The following GLIS3 variants were observed in gnomAD, a reference collection of about 807,000 sequenced individuals.
GLIS3 encodes zinc finger protein GLIS3.
GLIS3 carries 53 observed loss-of-function variants against 78.6 expected under a neutral mutation model. The ratio of observed to expected loss-of-function variants is 0.67; its 90% CI spans 0.54 to 0.85. The LOEUF is 0.85. Among genes scored for constraint, GLIS3 ranks in the 40% least tolerant of loss-of-function variants. The pLI is 0.00. For synonymous variants in GLIS3, 684 were observed against 509.9 expected, an observed-to-expected ratio of 1.34 and a Z score of -4.60; for missense variants, 1,703 against 1,231.1, an observed-to-expected ratio of 1.38 and a Z score of -5.74.
chr9:4,450,427 G>A, the GLIS3 span, among the ~76,000 whole-genome samples: 1 of 152,162 alleles, frequency 6.6e-6, no homozygotes, highest in South Asian at 2.1e-4. Flanking sequence ...ACACTCTGCA[G>A]GATATTATCC....
At chr9:3,964,489 C>G (rs1204499414) in intron 4 of GLIS3, among the ~76,000 whole-genome samples, 1 of 152,168 alleles carries the variant, frequency 6.6e-6, no homozygotes, top group African/African-American at 2.4e-5. Flanking sequence ...TCCAGGAATT[C>G]AATCACACAC....
rs1263478826 is a variant in GLIS3 at position 3,911,686 on chromosome 9, T to C, written c.1984-12851A>G. On this transcript the variant is annotated intron_variant, in intron 6 of 10. Coordinates refer to ENST00000381971, the MANE Select transcript of GLIS3 (RefSeq NM_001042413.2). ...ATTAGACAACTGTGAGAAAGTTGTT[T>C]AACATTTCTTTACCTTAGTTTTCTT... 2.0e-5 allele frequency among the ~76,000 whole-genome samples: 3 copies of C among 152,250 alleles called. No individual in the cohort carries two copies. In the East Asian group the frequency reaches 5.8e-4, roughly 29 times the overall value.
chr9:4,402,128 C>G, the GLIS3 span, among the ~76,000 whole-genome samples: 1,855 of 152,244 alleles, frequency 0.012, 37 homozygotes, highest in African/African-American at 0.041. Flanking sequence ...GTCTGACCCA[C>G]CACAGTCCCA....
intron 2 of GLIS3, among the ~76,000 whole-genome samples, chr9:4,127,734 A>T (rs573529295): frequency 3.9e-4 from 60 of 152,304 alleles, no homozygotes; most frequent in African/African-American, 1.4e-3. Context: ...TCCCATTGCT[A>T]CTAGCCACTA....
chr9:4,200,056 T>C (rs2131259946), intron 2 of GLIS3, among the ~76,000 whole-genome samples: 1 of 152,256 alleles, frequency 6.6e-6, no homozygotes, highest in Middle Eastern at 3.4e-3. Context: ...AGAATGACCT[T>C]GGAGTAAACA....
intron 4 of GLIS3, among the ~76,000 whole-genome samples, chr9:3,971,362 GA>G (rs2130922790): frequency 6.6e-6 from 1 of 152,296 alleles, no homozygotes; most frequent in East Asian, 1.9e-4. Context: ...TTACTCGGTT[GA>G]GGGAAAAGTA....
At chr9:4,291,439 C>G (rs1266862385) in intron 1 of GLIS3, among the ~76,000 whole-genome samples, 1 of 152,058 alleles carries the variant, frequency 6.6e-6, no homozygotes, top group Non-Finnish European at 1.5e-5. Context: ...AATGTTTTAA[C>G]TTTTCATTTT....
intron 2 of GLIS3, among the ~76,000 whole-genome samples, chr9:4,162,573 T>C (rs1370004836): frequency 1.3e-5 from 2 of 152,136 alleles, no homozygotes; most frequent in East Asian, 1.9e-4. Context: ...ATAAGATCAA[T>C]CACTGGCCGG....
chr9:4,299,094 A>C (rs1816880025), intron 1 of GLIS3, among the ~76,000 whole-genome samples: 1 of 152,110 alleles, frequency 6.6e-6, no homozygotes. Flanking sequence ...CTTGAAATGA[A>C]AACACAAAAA....
the GLIS3 span, among the ~76,000 whole-genome samples, chr9:4,479,492 G>T: frequency 1.7e-4 from 26 of 152,256 alleles, no homozygotes; most frequent in African/African-American, 6.3e-4. Context: ...TTCAGCTACT[G>T]CTAGTAACAA....
chr9:3,966,697 G>C (rs1025894712), intron 4 of GLIS3, among the ~76,000 whole-genome samples: 3 of 151,764 alleles, frequency 2.0e-5, no homozygotes, highest in Non-Finnish European at 4.4e-5. Context: ...AGGAGGCTGA[G>C]GCAGGAGAAT....
the GLIS3 span, among the ~76,000 whole-genome samples, chr9:4,440,391 C>T: frequency 1.3e-5 from 2 of 152,160 alleles, no homozygotes; most frequent in African/African-American, 4.8e-5. Flanking sequence ...TTCCCTTCTT[C>T]TGCCTGTGGA....
In GLIS3 at chr9:4,188,586, T is replaced by C. The variant is rs539323300; in HGVS notation, c.389-62645A>G. The stretch of plus-strand genomic sequence containing the variant: ...AGAAGTAATGGTACCACTTCCTCCT[T>C]GTACCTCTGGTAGAATTCAGCTGTG... On this transcript the variant is annotated intron_variant, in intron 2 of 10. Transcript: ENST00000381971. Among the ~76,000 whole-genome samples, 3 of 152,292 alleles carry C rather than the reference T, an allele frequency of 2.0e-5. No individual in the cohort carries two copies. In the East Asian group the frequency reaches 5.8e-4, roughly 29 times the overall value.
At chr9:4,465,950 G>A in the GLIS3 span, among the ~76,000 whole-genome samples, 2 of 152,158 alleles carry the variant, frequency 1.3e-5, no homozygotes, top group African/African-American at 4.8e-5. Flanking sequence ...TCACAGAGAT[G>A]AGACTACTTT....
chr9:4,416,363 C>G, the GLIS3 span, among the ~76,000 whole-genome samples: 1 of 149,628 alleles, frequency 6.7e-6, no homozygotes, highest in Non-Finnish European at 1.5e-5. Flanking sequence ...ATTTTAAAAC[C>G]TCTCTTACTG....
At chr9:4,063,696 C>T (rs1456354562) in intron 4 of GLIS3, among the ~76,000 whole-genome samples, 1 of 151,954 alleles carries the variant, frequency 6.6e-6, no homozygotes, top group East Asian at 1.9e-4. Context: ...ACGAATGAGA[C>T]AAATATTAGA....
intron 9 of GLIS3, among the ~76,000 whole-genome samples, chr9:3,832,652 T>A (rs1818115574): frequency 6.6e-6 from 1 of 152,200 alleles, no homozygotes; most frequent in African/African-American, 2.4e-5. Flanking sequence ...CAGGCAAATA[T>A]GGCAGTATCA....
intron 4 of GLIS3, among the ~76,000 whole-genome samples, chr9:4,057,633 GA>G (rs1190351020): frequency 6.7e-6 from 1 of 150,002 alleles, no homozygotes; most frequent in Admixed American, 6.6e-5. Context: ...CTCTTCAAAT[GA>G]AAAAAAATTG....
chr9:4,437,098 G>A, the GLIS3 span, among the ~76,000 whole-genome samples: 3 of 152,076 alleles, frequency 2.0e-5, no homozygotes, highest in Non-Finnish European at 4.4e-5. Flanking sequence ...GGATAGAAGA[G>A]GACAGAAGAA....
Sources: allele counts gnomAD v4.1 joint callset (sites outside exome capture counted in the v4.1 genomes callset), GRCh38; gene constraint gnomAD v4.1.1; transcripts MANE v1.5; gene names NCBI Gene and HGNC (gene_info 2026-07-23, HGNC 2026-07-21).